The following RANBP2 variants were observed in gnomAD, a reference collection of about 807,000 sequenced individuals.
RANBP2 encodes the protein RAN binding protein 2.
A neutral mutation model predicts 303.6 loss-of-function variants in RANBP2; 57 were observed. That is an observed-to-expected ratio of 0.19 (90% confidence interval 0.15 to 0.23). The LOEUF (loss-of-function observed/expected upper bound fraction) is 0.23. Among genes scored for constraint, RANBP2 ranks in the 10% least tolerant of loss-of-function variants. The pLI, the probability that RANBP2 is intolerant of heterozygous loss-of-function variation, is 1.00. For missense variants in RANBP2, 3,138 were observed against 3,780.8 expected (o/e 0.83, Z 4.46); for synonymous variants, 1,167 against 1,301.5 (o/e 0.90, Z 2.23).
chr2:109,192,023 T>TGGC, the RANBP2 span, among the ~76,000 whole-genome samples: 1 of 152,202 alleles, frequency 6.6e-6, no homozygotes, highest in Non-Finnish European at 1.5e-5. Flanking sequence ...GCAGTCATTT[T>TGGC]GGCGAACACA....
the RANBP2 span, among the ~76,000 whole-genome samples, chr2:109,571,347 T>C: frequency 4.6e-5 from 7 of 152,316 alleles, no homozygotes; most frequent in African/African-American, 1.7e-4. Flanking sequence ...TGATGTTGCG[T>C]GAACATCACA....
At chr2:109,126,476 C>T in the RANBP2 span, among the ~76,000 whole-genome samples, 1 of 152,170 alleles carries the variant, frequency 6.6e-6, no homozygotes, top group African/African-American at 2.4e-5. Context: ...CTGCCAGGTT[C>T]CAGATGATCC....
At chr2:109,107,092 C>T in the RANBP2 span, among the ~76,000 whole-genome samples, 7 of 152,058 alleles carry the variant, frequency 4.6e-5, no homozygotes, top group African/African-American at 1.2e-4. Context: ...CACCTGCCAC[C>T]GTGCCCGGCT....
the RANBP2 span, among the ~76,000 whole-genome samples, chr2:109,430,052 G>A: frequency 3.3e-5 from 5 of 152,298 alleles, no homozygotes; most frequent in East Asian, 1.9e-4. Context: ...AGAGGAGTCC[G>A]TGAGCTGTGG....
chr2:108,843,876 G>GTGTGTGTGTGTT, the RANBP2 span, among the ~76,000 whole-genome samples: 1,008 of 13,784 alleles, frequency 0.073, 20 homozygotes, highest in South Asian at 0.35. Context: ...GTGTGTGTGT[G>GTGTGTGTGTGTT]TGTTTCTTTC....
chr2:109,063,463 C>T, the RANBP2 span, among the ~76,000 whole-genome samples: 4 of 152,244 alleles, frequency 2.6e-5, no homozygotes, highest in East Asian at 1.9e-4. Context: ...CAGAAACGAG[C>T]GCATGGAGGA....
intron 20 of RANBP2, among the ~76,000 whole-genome samples, chr2:108,768,770 C>G (rs148121874): frequency 0.054 from 8,293 of 152,186 alleles, 271 homozygotes; most frequent in South Asian, 0.14. Flanking sequence ...CGGTGGCTCA[C>G]TCCTAGAATG....
the RANBP2 span, among the ~76,000 whole-genome samples, chr2:109,108,201 G>T: frequency 6.6e-6 from 1 of 152,134 alleles, no homozygotes; most frequent in Non-Finnish European, 1.5e-5. Context: ...CAGGACGCCC[G>T]GCCTAATTTT....
chr2:109,460,477 C>T, the RANBP2 span, among the ~76,000 whole-genome samples: 1 of 152,140 alleles, frequency 6.6e-6, no homozygotes, highest in African/African-American at 2.4e-5. Context: ...ATGCTGAGCC[C>T]ATGCATCACC....
chr2:108,917,630 G>T, the RANBP2 span, among the ~76,000 whole-genome samples: 3 of 152,146 alleles, frequency 2.0e-5, no homozygotes, highest in East Asian at 5.8e-4. Flanking sequence ...CAAGACAGAA[G>T]GTATGCTAAG....
At chr2:108,981,640 T>C in the RANBP2 span, among the ~76,000 whole-genome samples, 3 of 152,176 alleles carry the variant, frequency 2.0e-5, no homozygotes, top group South Asian at 2.1e-4. Flanking sequence ...CTGCTCGATA[T>C]ATACTATCCC....
the RANBP2 span, among the ~76,000 whole-genome samples, chr2:109,098,498 A>G: frequency 6.6e-6 from 1 of 152,148 alleles, no homozygotes; most frequent in African/African-American, 2.4e-5. Context: ...TTATTTTCCT[A>G]TTGTCCTGAC....
At chr2:109,129,983 C>G in the RANBP2 span, 1 of 1,300,656 alleles carries the variant, frequency 7.7e-7, no homozygotes, top group South Asian at 2.3e-5. Context: ...GCGGCCCCCA[C>G]GCTCGCGGGC....
the RANBP2 span, among the ~76,000 whole-genome samples, chr2:108,805,653 G>C: frequency 6.6e-6 from 1 of 152,220 alleles, no homozygotes; most frequent in East Asian, 1.9e-4. Flanking sequence ...CGTGAACCCA[G>C]GAGGCGGAGC....
chr2:109,556,730 A>T, the RANBP2 span, among the ~76,000 whole-genome samples: 1 of 152,050 alleles, frequency 6.6e-6, no homozygotes, highest in Non-Finnish European at 1.5e-5. Flanking sequence ...ACATTTCACT[A>T]GTCCAACATG....
chr2:109,243,079 T>C, the RANBP2 span, among the ~76,000 whole-genome samples: 1 of 152,260 alleles, frequency 6.6e-6, no homozygotes, highest in Non-Finnish European at 1.5e-5. Flanking sequence ...TTCATATTCC[T>C]GTAGCGTCAG....
chr2:109,479,102 C>T, the RANBP2 span, among the ~76,000 whole-genome samples: 1 of 152,174 alleles, frequency 6.6e-6, no homozygotes, highest in Non-Finnish European at 1.5e-5. Flanking sequence ...AGCACCAGCA[C>T]ACACTTCTCA....
At chr2:108,849,419 T>C in the RANBP2 span, among the ~76,000 whole-genome samples, 6 of 152,192 alleles carry the variant, frequency 3.9e-5, no homozygotes, top group Non-Finnish European at 8.8e-5. Context: ...TAGATACATG[T>C]GTGCCATCCC....
chr2:109,533,888 A>G, the RANBP2 span, among the ~76,000 whole-genome samples: 1 of 152,188 alleles, frequency 6.6e-6, no homozygotes, highest in Non-Finnish European at 1.5e-5. Context: ...TTGTAAAGCT[A>G]CTTGTCTCCC....
Sources: allele counts gnomAD v4.1 joint callset (sites outside exome capture counted in the v4.1 genomes callset), GRCh38; gene constraint gnomAD v4.1.1; transcripts MANE v1.5; gene names NCBI Gene and HGNC (gene_info 2026-07-23, HGNC 2026-07-21).